The following IL17RE variants were observed in gnomAD, a reference collection of about 807,000 sequenced individuals.
IL17RE encodes interleukin-17 receptor E.
A neutral mutation model predicts 70.7 loss-of-function variants in IL17RE; 47 were observed. The ratio of observed to expected loss-of-function variants is 0.67; its 90% CI spans 0.53 to 0.85. The LOEUF is 0.85. Ranked by LOEUF, IL17RE falls within the 40% of genes least tolerant of loss-of-function variation. The pLI, the probability that IL17RE is intolerant of heterozygous loss-of-function variation, is 0.00. For synonymous variants in IL17RE, 372 were observed against 381.2 expected, an observed-to-expected ratio of 0.98 and a Z score of 0.28; for missense variants, 850 against 893.9, an observed-to-expected ratio of 0.95 and a Z score of 0.63.
chr3:9,907,308 C>T (rs113599502), intron 6 of IL17RE, among the ~76,000 whole-genome samples: 1 of 152,088 alleles, frequency 6.6e-6, no homozygotes, highest in Non-Finnish European at 1.5e-5. Context: ...GAGGCCAAAG[C>T]AGGAGGATTG....
chr3:9,908,221 T>C lies in IL17RE; in HGVS notation c.667-18T>C. 1 of 1,612,030 alleles carries C rather than the reference T, an allele frequency of 6.2e-7. No homozygotes were observed. Among genetic ancestry groups the C allele is most frequent in the Non-Finnish European group, 8.5e-7 (1 of 1,178,082 alleles). On this transcript the variant is annotated intron_variant, in intron 6 of 15. Transcript: ENST00000383814. ...TTTCTCAGGCATCTTTTGTCTTCCT[T>C]TGCTGTTTCATCCACAGAAAATTGT...
upstream of IL17RE, chr3:9,902,707 G>A: frequency 6.5e-7 from 1 of 1,535,812 alleles, no homozygotes; most frequent in Non-Finnish European, 8.7e-7. Context: ...GGGGCAGTAG[G>A]GTTTTTGGGG....
chr3:9,908,133 A>G, intron 6 of IL17RE, 106 bp from the exon 7 acceptor site: 2 of 864,852 alleles, frequency 2.3e-6, no homozygotes, highest in Non-Finnish European at 1.9e-6. Flanking sequence ...ATATTAGAGG[A>G]AAAACAGGGT....
chr3:9,903,352 T>A (rs772682371), intron 1 of IL17RE, 45 bp from the exon 2 acceptor site: 1 of 1,610,326 alleles, frequency 6.2e-7, no homozygotes. Flanking sequence ...TCTCTCCTAA[T>A]AATAGCTCTT....
Position 9,916,012 on chromosome 3 carries a change from GA to G in IL17RE, c.*206del. 1.1e-6 allele frequency: 1 copy of G among 898,968 alleles called. No homozygotes were observed. Among genetic ancestry groups the G allele is most frequent in the South Asian group, 2.5e-5 (1 of 39,218 alleles). The allele number at this position is 898,968 out of a possible 1,614,324, so 55.7% of individuals were successfully genotyped here. Reference sequence around the variant, plus strand: ...TTCCTCCTCATACTTTCCCTTGACTGAGAGCTCCTCTAACCCCTGTTCTGAT... The same window carrying G: ...TTCCTCCTCATACTTTCCCTTGACTGGAGCTCCTCTAACCCCTGTTCTGAT... On this transcript the variant is annotated 3_prime_UTR_variant, in exon 16 of 16. Coordinates refer to ENST00000383814, the MANE Select transcript of IL17RE (RefSeq NM_153480.2).
Position 9,902,978 on chromosome 3 carries a change from AT to A in IL17RE, c.47del (p.Ile16LysfsTer177). ...LAALLLPLLL[I>X]VIDLSDSAGI... ...AGCCCTGCTCCTGCCTCTCCTCCTC[AT>A]AGTCATCGACCTCTCTGACTCTGCT... On this transcript the variant is annotated frameshift_variant, in exon 1 of 16. Transcript: ENST00000383814. LOFTEE classifies it high-confidence loss of function. The A allele has an allele frequency of 6.2e-7, 1 of 1,614,164 alleles. No homozygotes were observed. Among genetic ancestry groups the A allele is most frequent in the Non-Finnish European group, 8.5e-7 (1 of 1,179,982 alleles).
chr3:9,909,366 C>A, intron 8 of IL17RE, 83 bp downstream of exon 8: 2 of 1,156,970 alleles, frequency 1.7e-6, no homozygotes, highest in Non-Finnish European at 2.6e-6. Flanking sequence ...CACACACACA[C>A]ACACACACCC....
Position 9,915,634 on chromosome 3 carries a change from C to A in IL17RE, c.1831C>A (p.Pro611Thr). 2 of 1,411,352 alleles carry A rather than the reference C, an allele frequency of 1.4e-6. No homozygotes were observed. The highest frequency in any genetic ancestry group is 1.8e-6 in the Non-Finnish European group (2 of 1,087,852). The allele number at this position is 1,411,352 out of a possible 1,614,324, so 87.4% of individuals were successfully genotyped here. Residue 611 changes from proline (P) to threonine (T), a missense_variant, in exon 16 of 16, where the codon CCG becomes ACG. Physicochemically the swap from Pro to Thr is conservative, Grantham distance 38. Transcript: ENST00000383814. The surrounding 1 kb of genome is among the most constrained non-coding windows in gnomAD (Gnocchi z 4.9). ...CATCCCCCCGCCGCTGCGCGCCCTG[C>A]CGCGCTACCGCCTGCTGCGCGACCT... ...GDIPPPLRALPRYRLLRDLPR... is the reference protein window; with the variant it reads ...GDIPPPLRALTRYRLLRDLPR...
At chr3:9,913,900 A>C in intron 12 of IL17RE, 56 bp from the exon 13 acceptor site, 3 of 1,426,076 alleles carry the variant, frequency 2.1e-6, no homozygotes, top group Non-Finnish European at 2.0e-6. Flanking sequence ...ACTCAAGGCC[A>C]GACAGGGCCA....
rs200521188 is a variant in IL17RE at position 9,915,349 on chromosome 3, C to A, written c.1546C>A (p.Leu516Met). ...GALAELLRAALGGGRDVIVDL... is the reference protein window; with the variant it reads ...GALAELLRAAMGGGRDVIVDL... ...GCTGGCTGAACTGCTACGGGCAGCG[C>A]TGGGCGGCGGGCGCGACGTGATCGT... Residue 516 changes from leucine (L) to methionine (M), a missense_variant, in exon 16 of 16, where the codon CTG (leucine) becomes ATG (methionine). Transcript: ENST00000383814. This position sits in a 1 kb window ranked among gnomAD's most constrained non-coding sequence, Gnocchi z 4.9. 8,641 of 1,372,158 alleles carry A rather than the reference C, an allele frequency of 6.3e-3. 44 individuals are homozygous for A. The highest frequency in any genetic ancestry group is 7.6e-3 in the Non-Finnish European group (8,097 of 1,072,250). The allele number at this position is 1,372,158 out of a possible 1,614,324, so 85.0% of individuals were successfully genotyped here.
At chr3:9,913,808 G>A in intron 12 of IL17RE, 148 bp from the exon 13 acceptor site, 1 of 647,264 alleles carries the variant, frequency 1.5e-6, no homozygotes. Flanking sequence ...GAGTGACTGG[G>A]GAAGCCTTCT....
intron 10 of IL17RE, 26 bp from the exon 11 acceptor site, chr3:9,911,229 T>C: frequency 6.2e-7 from 1 of 1,614,198 alleles, no homozygotes; most frequent in Non-Finnish European, 8.5e-7. Context: ...TGGAGCTTGC[T>C]AATCTGCCAT....
At position 9,915,220 on chromosome 3, in the gene IL17RE, C is replaced by T. The variant is rs1423517540; in HGVS notation, c.1448-31C>T. ...GAGGGCTGAGCAGTCCCTCAGCCGC[C>T]CAGCCTTCATCTGTTGCTTCCCGCC... On this transcript the variant is annotated intron_variant, in intron 15 of 15. Transcript: ENST00000383814. This position sits in a 1 kb window ranked among gnomAD's most constrained non-coding sequence, Gnocchi z 4.9. 2 of 1,370,466 alleles carry T rather than the reference C, an allele frequency of 1.5e-6. No individual in the cohort carries two copies. The highest frequency in any genetic ancestry group is 1.9e-6 in the Non-Finnish European group (2 of 1,066,340). 84.9% of individuals were successfully genotyped at this position (1,370,466 alleles called of 1,614,324 possible).
intron 12 of IL17RE, among the ~76,000 whole-genome samples, chr3:9,912,161 A>G (rs2082909914): frequency 6.6e-6 from 1 of 152,178 alleles, no homozygotes; most frequent in South Asian, 2.1e-4. Context: ...GGTGCATGCG[A>G]GGGATCTTGG....
At chr3:9,914,623 T>G (rs375716248) in intron 14 of IL17RE, 24 bp downstream of exon 14, 16 of 1,612,148 alleles carry the variant, frequency 9.9e-6, no homozygotes, top group African/African-American at 1.3e-5. Flanking sequence ...GAGGGGGAGG[T>G]AAGAGGGAGG....
intron 4 of IL17RE, 35 bp downstream of exon 4, chr3:9,906,496 C>T: frequency 2.0e-6 from 3 of 1,492,676 alleles, no homozygotes; most frequent in Non-Finnish European, 2.8e-6. Context: ...CTACCTGACG[C>T]CCCACAGACC....
rs779595491 is a variant in IL17RE, at chr3:9,915,783, C to T, written c.1980C>T (p.Ala660=). ...TGTGCAGCCGGCTCGAACGAGAGGC[C>T]GCCCGACTTGCAGACCTAGGTTGAG... ...LELCSRLERE[A]ARLADLG Residue 660 remains alanine, a synonymous_variant, in exon 16 of 16, where the codon GCC becomes GCT. Coordinates refer to ENST00000383814, the MANE Select transcript of IL17RE (RefSeq NM_153480.2). The surrounding 1 kb of genome is among the most constrained non-coding windows in gnomAD (Gnocchi z 4.9). 2.0e-6 allele frequency: 3 copies of T among 1,532,950 alleles called. No homozygotes were observed. The highest frequency in any genetic ancestry group is 1.4e-5 in the African/African-American group (1 of 69,886). 95.0% of individuals were successfully genotyped at this position (1,532,950 alleles called of 1,614,324 possible). A position where few individuals can be genotyped will look rare whatever the true frequency, so the allele number is the denominator to read the frequency against.
In IL17RE at chr3:9,911,609, C is replaced by T. The variant is rs780737195; in HGVS notation, c.1227+12C>T. On this transcript the variant is annotated intron_variant, in intron 12 of 15. Coordinates refer to ENST00000383814, the MANE Select transcript of IL17RE (RefSeq NM_153480.2). ...ACACTGTCAGCCAGGTATGGCCTCG[C>T]CCCCACTAGGTCCTATTGCTCAGAG... 1.9e-6 allele frequency: 3 copies of T among 1,607,754 alleles called. No homozygotes were observed. Among genetic ancestry groups the T allele is most frequent in the South Asian group, 2.2e-5 (2 of 90,882 alleles).
chr3:9,909,276 A>G lies in IL17RE; in HGVS notation c.795A>G (p.Pro265=), dbSNP rs1231884988. ...AAAAATGTCCCTTCCAGAGCTGGCC[A>G]GAAGCCTGTGAGTGCTGTTGACACG... ...RRKKCPFQSW[P]EAYGSDFWKS... Residue 265 remains proline, a synonymous_variant, in exon 8 of 16, where the codon CCA becomes CCG. Coordinates refer to ENST00000383814, the MANE Select transcript of IL17RE (RefSeq NM_153480.2). The G allele has an allele frequency of 1.2e-6, 2 of 1,613,994 alleles. No individual in the cohort carries two copies. Among genetic ancestry groups the G allele is most frequent in the African/African-American group, 1.3e-5 (1 of 75,048 alleles).
Sources: gnomAD v4.1 joint callset for allele counts (sites outside exome capture counted in the v4.1 genomes callset) on GRCh38, gnomAD v4.1.1 for gene constraint, Gnocchi (gnomAD v3.1) non-coding constraint, MANE v1.5 for transcripts, NCBI Gene and HGNC (gene_info 2026-07-23, HGNC 2026-07-21) for gene names.